The following TBC1D30 variants were observed in gnomAD, a reference collection of about 807,000 sequenced individuals.
TBC1D30 encodes TBC1 domain family member 30.
A neutral mutation model predicts 63.2 loss-of-function variants in TBC1D30; 31 were observed. The observed-to-expected ratio is 0.49, with a 90% CI of 0.37 to 0.66. The LOEUF is 0.66. TBC1D30 is among the 30% of genes least tolerant of loss of function. The pLI is 0.00. For synonymous variants in TBC1D30, 307 were observed against 361.5 expected (o/e 0.85, Z 1.71); for missense variants, 810 against 953.6 (o/e 0.85, Z 1.98).
At chr12:64,764,818 CTG>C (rs1870645655) in intron 1 of TBC1D30, among the ~76,000 whole-genome samples, 1 of 152,216 alleles carries the variant, frequency 6.6e-6, no homozygotes, top group Admixed American at 6.5e-5. Context: ...TTGCTGAACA[CTG>C]AGATGTGCAT....
At chr12:64,763,377 T>G (rs1377694889) in intron 1 of TBC1D30, among the ~76,000 whole-genome samples, 1 of 152,242 alleles carries the variant, frequency 6.6e-6, no homozygotes, top group Non-Finnish European at 1.5e-5. Flanking sequence ...TATCTCTTCC[T>G]CTTTCCAGCT....
At chr12:64,854,431 G>A (rs1419446598) in intron 8 of TBC1D30, among the ~76,000 whole-genome samples, 1 of 151,008 alleles carries the variant, frequency 6.6e-6, no homozygotes, top group African/African-American at 2.4e-5. Flanking sequence ...TTTATGTACT[G>A]TCTATGTCTT....
chr12:64,796,998 A>T (rs1872315120), intron 2 of TBC1D30, among the ~76,000 whole-genome samples: 1 of 136,706 alleles, frequency 7.3e-6, no homozygotes, highest in African/African-American at 2.8e-5. Context: ...TAGGAATTTC[A>T]CATATATCTT....
chr12:64,871,145 A>G (rs9668764), intron 11 of TBC1D30, among the ~76,000 whole-genome samples: 1 of 151,584 alleles, frequency 6.6e-6, no homozygotes, highest in African/African-American at 2.4e-5. Context: ...TTGGAGCATA[A>G]ATTTTATGCA....
rs1322820227 is a variant in TBC1D30 at position 64,878,835 on chromosome 12, G to T, written c.*3047G>T. On this transcript the variant is annotated 3_prime_UTR_variant, in exon 12 of 12. Transcript: ENST00000539867. The stretch of plus-strand genomic sequence containing the variant: ...CCTGCCCAGCATTTGCAGACTCGCT[G>T]GTTCCTGAATATGAGTAAGCACAGA... 1 of 229,702 alleles carries T rather than the reference G, an allele frequency of 4.4e-6. No homozygotes were observed. Among genetic ancestry groups the T allele is most frequent in the Non-Finnish European group, 8.9e-6 (1 of 112,700 alleles). The allele number at this position is 229,702 out of a possible 1,614,324, so 14.2% of individuals were successfully genotyped here. A position where few individuals can be genotyped will look rare whatever the true frequency, so the allele number is the denominator to read the frequency against.
At chr12:64,815,361 C>T (rs1289692866) in intron 2 of TBC1D30, among the ~76,000 whole-genome samples, 4 of 152,032 alleles carry the variant, frequency 2.6e-5, no homozygotes, top group African/African-American at 7.2e-5. Context: ...AAATAAAATT[C>T]GCAGCTACTT....
chr12:64,872,662 G>C (rs1425061493), intron 11 of TBC1D30, among the ~76,000 whole-genome samples: 1 of 152,162 alleles, frequency 6.6e-6, no homozygotes, highest in Non-Finnish European at 1.5e-5. Context: ...GCTGCTGCAT[G>C]GGGACTGTAT....
chr12:64,855,779 C>A (rs1400335010), intron 8 of TBC1D30, among the ~76,000 whole-genome samples: 1 of 152,186 alleles, frequency 6.6e-6, no homozygotes, highest in East Asian at 1.9e-4. Context: ...ATCTCTGTTA[C>A]TCCAGGATTG....
chr12:64,770,367 T>G (rs1338186847), intron 1 of TBC1D30, among the ~76,000 whole-genome samples: 1 of 152,178 alleles, frequency 6.6e-6, no homozygotes, highest in Non-Finnish European at 1.5e-5. Flanking sequence ...AAATTAAGAT[T>G]TGTGCAAATG....
intron 2 of TBC1D30, among the ~76,000 whole-genome samples, chr12:64,811,827 C>T (rs1021953531): frequency 1.3e-5 from 2 of 152,166 alleles, no homozygotes; most frequent in South Asian, 4.1e-4. Context: ...AAATGATGGA[C>T]ATTTTGTTCA....
rs1186454145 is a variant in TBC1D30, at chr12:64,824,766, A to T, written c.-114A>T. 2.2e-6 allele frequency: 3 copies of T among 1,386,764 alleles called. No homozygotes were observed. Among genetic ancestry groups the T allele is most frequent in the Admixed American group, 5.0e-5 (2 of 39,822 alleles). The allele number at this position is 1,386,764 out of a possible 1,614,324, so 85.9% of individuals were successfully genotyped here. A position where few individuals can be genotyped will look rare whatever the true frequency, so the allele number is the denominator to read the frequency against. On this transcript the variant is annotated 5_prime_UTR_variant, in exon 1 of 12. Transcript: ENST00000539867. ...AGCCGGCTGTGCGCTCCCTGCTCCC[A>T]CGGGCCGGTCAGCCGCAGACACTCA... is the stretch of plus-strand genomic sequence containing the variant.
exon 1 of TBC1D30, chr12:64,781,041 C>T (rs1050208560): frequency 2.9e-6 from 3 of 1,022,806 alleles, no homozygotes; most frequent in Admixed American, 6.1e-5. Context: ...ACAAGCCGCA[C>T]GGCGTCCCTG....
Position 64,875,979 on chromosome 12 carries a change from G to A in TBC1D30, c.*191G>A. On this transcript the variant is annotated 3_prime_UTR_variant, in exon 12 of 12. Transcript: ENST00000539867. ...AACAGGGCTGTTTTCCCAGCTACTT[G>A]CTAACTGACGAAGTGGATTCTTGTG... is the stretch of plus-strand genomic sequence containing the variant. 1 of 535,456 alleles carries A rather than the reference G, an allele frequency of 1.9e-6. No individual in the cohort carries two copies. The highest frequency in any genetic ancestry group is 3.1e-6 in the Non-Finnish European group (1 of 318,906). The allele number at this position is 535,456 out of a possible 1,614,324, so 33.2% of individuals were successfully genotyped here.
chr12:64,800,707 G>C (rs1485989959), intron 2 of TBC1D30, among the ~76,000 whole-genome samples: 1 of 152,160 alleles, frequency 6.6e-6, no homozygotes, highest in Non-Finnish European at 1.5e-5. Flanking sequence ...CCAACAAGGA[G>C]AGCAGCGTGG....
At chr12:64,824,602 G>C (rs967041337), upstream of TBC1D30, 19 of 338,176 alleles carry the variant, frequency 5.6e-5, no homozygotes, top group African/African-American at 4.0e-4. Flanking sequence ...GCGCTCGCTC[G>C]CTCGCTCGCT....
chr12:64,877,067 A>T lies in TBC1D30; in HGVS notation c.*1279A>T. 2.7e-6 allele frequency: 1 copy of T among 364,832 alleles called. No individual in the cohort carries two copies. Among genetic ancestry groups the T allele is most frequent in the South Asian group, 2.1e-5 (1 of 48,380 alleles). 22.6% of individuals were successfully genotyped at this position (364,832 alleles called of 1,614,324 possible). A position where few individuals can be genotyped will look rare whatever the true frequency, so the allele number is the denominator to read the frequency against. On this transcript the variant is annotated 3_prime_UTR_variant, in exon 12 of 12. Coordinates refer to ENST00000539867, the MANE Select transcript of TBC1D30 (RefSeq NM_015279.2). ...ACCAAGACTGGGAAGCCATTCACTAAAATCCCTCCTGACTCAAAGGACCTG... is the reference window on the plus strand; with the variant it reads ...ACCAAGACTGGGAAGCCATTCACTATAATCCCTCCTGACTCAAAGGACCTG...
At chr12:64,761,899 G>A (rs934886810) in intron 1 of TBC1D30, among the ~76,000 whole-genome samples, 2 of 152,122 alleles carry the variant, frequency 1.3e-5, no homozygotes, top group Non-Finnish European at 2.9e-5. Context: ...ACCCCTTTCC[G>A]GTAACACTGC....
intron 1 of TBC1D30, among the ~76,000 whole-genome samples, chr12:64,767,263 A>G (rs1251725945): frequency 6.6e-6 from 1 of 152,132 alleles, no homozygotes; most frequent in African/African-American, 2.4e-5. Context: ...GATTCTTTGG[A>G]AAGATTAACA....
intron 4 of TBC1D30, 25 bp downstream of exon 4, chr12:64,830,527 C>T: frequency 1.3e-6 from 2 of 1,513,606 alleles, no homozygotes. Flanking sequence ...CTTGGCCTGT[C>T]ATCCTAATAT....
Sources: allele counts gnomAD v4.1 joint callset (sites outside exome capture counted in the v4.1 genomes callset), GRCh38; gene constraint gnomAD v4.1.1; transcripts MANE v1.5; gene names NCBI Gene and HGNC (gene_info 2026-07-23, HGNC 2026-07-21).